Variants in SELENBP1 observed in about 807,000 individuals in gnomAD.
The protein encoded by SELENBP1 is selenium binding protein 1.
Under a neutral mutation model 61.0 loss-of-function variants are expected in SELENBP1, and 71 were observed. The ratio of observed to expected loss-of-function variants is 1.16; its 90% CI spans 0.96 to 1.42. SELENBP1 has a LOEUF of 1.42. Among genes scored for constraint, SELENBP1 ranks in the 40% most tolerant of loss-of-function variants. SELENBP1 has a pLI of 0.00. For missense variants in SELENBP1, 561 were observed against 605.0 expected (o/e 0.93, Z 0.76); for synonymous variants, 270 against 238.9 (o/e 1.13, Z -1.20).
chr1:151,365,925 G>C, intron 7 of SELENBP1, 79 bp from the exon 8 acceptor site: 1 of 1,499,442 alleles, frequency 6.7e-7, no homozygotes, highest in Non-Finnish European at 9.2e-7. Flanking sequence ...GTTAGATCTG[G>C]GTTGCCCAGA....
At chr1:151,366,073 TA>T in intron 7 of SELENBP1, 1 of 753,852 alleles carries the variant, frequency 1.3e-6, no homozygotes, top group Non-Finnish European at 2.2e-6. Flanking sequence ...AGACATTCAC[TA>T]AGTAGTTTTT....
chr1:151,365,445 T>A, intron 9 of SELENBP1, 118 bp downstream of exon 9: 1 of 1,539,018 alleles, frequency 6.5e-7, no homozygotes, highest in Non-Finnish European at 8.8e-7. Context: ...ACAGCACACA[T>A]GTCTGCTTTT....
chr1:151,369,414 A>T (rs760326478), intron 3 of SELENBP1, 28 bp downstream of exon 3: 1 of 1,587,178 alleles, frequency 6.3e-7, no homozygotes, highest in South Asian at 1.1e-5. Context: ...ATGGTCTCAA[A>T]GTAGCTGGCG....
At chr1:151,371,357 G>A (rs1199559026) in intron 1 of SELENBP1, among the ~76,000 whole-genome samples, 1 of 151,442 alleles carries the variant, frequency 6.6e-6, no homozygotes, top group Non-Finnish European at 1.5e-5. Flanking sequence ...GCAGTAAGCC[G>A]AAATCACGCC....
chr1:151,365,462 C>A (rs1178905800), intron 9 of SELENBP1, 101 bp downstream of exon 9: 13 of 1,575,058 alleles, frequency 8.3e-6, no homozygotes, highest in Non-Finnish European at 1.1e-5. Context: ...TTTTCCTGCA[C>A]CTCCCTCAAC....
chr1:151,365,865 G>A lies in SELENBP1; in HGVS notation c.844-19C>T. On this transcript the variant is annotated intron_variant, in intron 7 of 11. Transcript: ENST00000368868. ...TACCTCCCTACATTGAGGGGTGGAG[G>A]GTGAGGTTAGCTGGCAGAGAGGTCA... is the stretch of plus-strand genomic sequence containing the variant. The A allele has an allele frequency of 6.2e-7, 1 of 1,613,152 alleles. No individual in the cohort carries two copies.
Position 151,369,039 on chromosome 1 carries a change from C to A in SELENBP1, c.325G>T (p.Val109Leu), listed in dbSNP as rs764783678. ...TTTGGGGCCCGGGGCTCAGAGCCCA[C>A]GTCCACCACATAGATGCGAGAGGAG... ...LISSRIYVVD[V>L]GSEPRAPKLH... Residue 109 changes from valine (V) to leucine (L), a missense_variant, in exon 4 of 12, where the codon GTG becomes TTG. By Grantham distance (32) the Val-to-Leu change is conservative. Coordinates refer to ENST00000368868, the MANE Select transcript of SELENBP1 (RefSeq NM_003944.4). 1.2e-6 allele frequency: 2 copies of A among 1,612,886 alleles called. No individual in the cohort carries two copies. Among genetic ancestry groups the A allele is most frequent in the Non-Finnish European group, 1.7e-6 (2 of 1,179,064 alleles).
chr1:151,371,932 A>G (rs1156757712), intron 1 of SELENBP1, among the ~76,000 whole-genome samples: 2 of 152,112 alleles, frequency 1.3e-5, no homozygotes, highest in East Asian at 3.9e-4. Flanking sequence ...ACTCATGGAA[A>G]GCTCAAGTGG....
rs959431389 is a variant in SELENBP1 at position 151,364,804 on chromosome 1, G to A, written c.1257-99C>T. 4.7e-6 allele frequency: 7 copies of A among 1,487,434 alleles called. No individual in the cohort carries two copies. The African/African-American group carries it at 9.8e-5, about 21-fold the overall frequency. 92.1% of individuals were successfully genotyped at this position (1,487,434 alleles called of 1,614,324 possible). ...GCTCCTGAGGAAGGAGGAATGACCA[G>A]GGTCTCAATGGGCCATCTGTGTGGT... On this transcript the variant is annotated intron_variant, in intron 11 of 11. Coordinates refer to ENST00000368868, the MANE Select transcript of SELENBP1 (RefSeq NM_003944.4).
rs139596414 is a variant in SELENBP1 at position 151,368,286 on chromosome 1, C to A, written c.394G>T (p.Glu132Ter). ...TGGCTGGTGTGGAGAAAGGCCAGTT[C>A]GCACTTGGCATGGATGTCCTTGGGC... ...IEPKDIHAKC[E>*]LAFLHTSHCL... Residue 132 changes from glutamate (E) to a stop codon, truncating the protein, a stop_gained, in exon 5 of 12, where the codon GAA becomes TAA. Transcript: ENST00000368868. LOFTEE classifies it high-confidence loss of function. 1 of 1,614,068 alleles carries A rather than the reference C, an allele frequency of 6.2e-7. No individual in the cohort carries two copies. The highest frequency in any genetic ancestry group is 8.5e-7 in the Non-Finnish European group (1 of 1,180,056).
chr1:151,370,885 C>A (rs1242443489), intron 1 of SELENBP1, among the ~76,000 whole-genome samples: 3 of 152,222 alleles, frequency 2.0e-5, no homozygotes, highest in Non-Finnish European at 4.4e-5. Flanking sequence ...GGGACTCCCA[C>A]TCGCAGCAGC....
At position 151,366,706 on chromosome 1, in the gene SELENBP1, A is replaced by G. The variant is rs750929330; in HGVS notation, c.664+16T>C. On this transcript the variant is annotated intron_variant, in intron 6 of 11. Coordinates refer to ENST00000368868, the MANE Select transcript of SELENBP1 (RefSeq NM_003944.4). The stretch of plus-strand genomic sequence containing the variant: ...GTAGGCCCAAGGCTCCTGCTGGCAC[A>G]TGGGGGGATTCTCACCAGCCTCCAC... 2 of 1,610,868 alleles carry G rather than the reference A, an allele frequency of 1.2e-6. No individual in the cohort carries two copies. Among genetic ancestry groups the G allele is most frequent in the Admixed American group, 3.3e-5 (2 of 59,958 alleles).
chr1:151,365,899 G>C (rs1651791155), intron 7 of SELENBP1, 53 bp from the exon 8 acceptor site: 2 of 1,592,834 alleles, frequency 1.3e-6, no homozygotes, highest in African/African-American at 2.7e-5. Flanking sequence ...CAGCCTATCA[G>C]AATTGGGGAC....
At chr1:151,368,875 C>T (rs1217628024) in intron 4 of SELENBP1, 129 bp downstream of exon 4, 5 of 961,976 alleles carry the variant, frequency 5.2e-6, no homozygotes, top group Non-Finnish European at 7.8e-6. Context: ...CAACCTCCCT[C>T]CCTGCTGCCG....
rs1306203239 is a variant in SELENBP1, at chr1:151,368,279, G to C, written c.401C>G (p.Ala134Gly). 1 of 1,614,192 alleles carries C rather than the reference G, an allele frequency of 6.2e-7. No homozygotes were observed. Among genetic ancestry groups the C allele is most frequent in the Non-Finnish European group, 8.5e-7 (1 of 1,180,030 alleles). The change falls in exon 5 of 12, where the codon GCC (alanine) becomes GGC (glycine). Residue 134 changes from alanine to glycine, a missense_variant. By Grantham distance (60) the Ala-to-Gly change is moderately conservative. Transcript: ENST00000368868. The stretch of plus-strand genomic sequence containing the variant: ...CAGGCAGTGGCTGGTGTGGAGAAAG[G>C]CCAGTTCGCACTTGGCATGGATGTC... ...PKDIHAKCEL[A>G]FLHTSHCLAS... is the part of the protein sequence containing the mutation.
chr1:151,365,071 A>C (rs1651729122), intron 10 of SELENBP1, 27 bp from the exon 11 acceptor site: 9 of 1,596,902 alleles, frequency 5.6e-6, no homozygotes, highest in Non-Finnish European at 7.7e-6. Flanking sequence ...GTCAGAGCCC[A>C]GGGTAACACA....
chr1:151,366,859 G>T lies in SELENBP1; in HGVS notation c.527C>A (p.Thr176Lys). The T allele has an allele frequency of 6.2e-7, 1 of 1,614,144 alleles. No homozygotes were observed. Among genetic ancestry groups the T allele is most frequent in the Non-Finnish European group, 8.5e-7 (1 of 1,180,016 alleles). ...TGCAGCACCCCCAGGTCTCTCCCAT[G>T]TCCCCTTCACCTCGAACGTCTCCCC... ...LDGETFEVKGTWERPGGAAPL... is the reference protein window; with the variant it reads ...LDGETFEVKGKWERPGGAAPL... Residue 176 changes from threonine to lysine, a missense_variant, in exon 6 of 12, where the codon ACA becomes AAA. Thr to Lys is a moderately conservative substitution (Grantham distance 78). Coordinates refer to ENST00000368868, the MANE Select transcript of SELENBP1 (RefSeq NM_003944.4).
At position 151,369,549 on chromosome 1, in the gene SELENBP1, T is replaced by C; in HGVS notation, c.67A>G (p.Arg23Gly). ...CAGGGCAGGTAGACGATCTCTTCCC[T>C]GGGTCCTGCACGGTAGAAAGCAGGC... ...STPLEAMKGP[R>G]EEIVYLPCIY... The change falls in exon 3 of 12, where the codon AGG becomes GGG. Residue 23 changes from arginine to glycine, a missense_variant. Physicochemically the swap from Arg to Gly is moderately radical, Grantham distance 125. Transcript: ENST00000368868. 1 of 1,605,270 alleles carries C rather than the reference T, an allele frequency of 6.2e-7. No homozygotes were observed. Among genetic ancestry groups the C allele is most frequent in the African/African-American group, 1.3e-5 (1 of 74,942 alleles).
chr1:151,366,528 A>G lies in SELENBP1; in HGVS notation c.665-75T>C, dbSNP rs1203324621. The G allele has an allele frequency of 4.6e-6, 7 of 1,530,568 alleles. No individual in the cohort carries two copies. In the Admixed American group the frequency reaches 1.2e-4, roughly 27 times the overall value. The allele number at this position is 1,530,568 out of a possible 1,614,324, so 94.8% of individuals were successfully genotyped here. The stretch of plus-strand genomic sequence containing the variant: ...GGCATGGGCAAAGACTGGGCCACCA[A>G]TCAGGGCAGAAGGTTAAGAAATGGA... On this transcript the variant is annotated intron_variant, in intron 6 of 11. Coordinates refer to ENST00000368868, the MANE Select transcript of SELENBP1 (RefSeq NM_003944.4).
Sources: allele counts gnomAD v4.1 joint callset (sites outside exome capture counted in the v4.1 genomes callset), GRCh38; gene constraint gnomAD v4.1.1; transcripts MANE v1.5; gene names NCBI Gene and HGNC (gene_info 2026-07-23, HGNC 2026-07-21).